The following RXFP1 variants were observed in gnomAD, a reference collection of about 807,000 sequenced individuals.
RXFP1 encodes relaxin receptor 1.
RXFP1 carries 73 observed loss-of-function variants against 89.8 expected under a neutral mutation model. The ratio of observed to expected loss-of-function variants is 0.81; its 90% CI spans 0.67 to 0.99. RXFP1 has a LOEUF of 0.99. RXFP1 is among the 50% of genes least tolerant of loss of function. The pLI, the probability that RXFP1 is intolerant of heterozygous loss-of-function variation, is 0.00. For synonymous variants in RXFP1, 277 were observed against 305.5 expected (o/e 0.91, Z 0.97); for missense variants, 793 against 895.5 (o/e 0.89, Z 1.46).
At chr4:158,640,071 G>C (rs544696694) in intron 14 of RXFP1, among the ~76,000 whole-genome samples, 40 of 152,226 alleles carry the variant, frequency 2.6e-4, no homozygotes, top group African/African-American at 9.1e-4. Flanking sequence ...TGGTATTTTT[G>C]TTACAGCAGC....
rs1256855911 is a variant in RXFP1, at chr4:158,608,051, C to A, written c.536+8C>A. 6.4e-7 allele frequency: 1 copy of A among 1,568,586 alleles called. No homozygotes were observed. Among genetic ancestry groups the A allele is most frequent in the South Asian group, 1.1e-5 (1 of 89,512 alleles). ...GAATAGCCTTACTAAACTGTAAGTA[C>A]CAGTGTGAATTAATTTGCCCATTCC... On this transcript the variant is annotated splice_region_variant and intron_variant, in intron 6 of 17. Transcript: ENST00000307765.
chr4:158,566,703 AT>A (rs1753629086), intron 1 of RXFP1, among the ~76,000 whole-genome samples: 1 of 152,228 alleles, frequency 6.6e-6, no homozygotes, highest in African/African-American at 2.4e-5. Context: ...AATATTTAAG[AT>A]TCCTGATATA....
intron 13 of RXFP1, among the ~76,000 whole-genome samples, chr4:158,638,625 T>C (rs960790515): frequency 3.9e-5 from 6 of 151,970 alleles, no homozygotes; most frequent in Non-Finnish European, 7.4e-5. Flanking sequence ...CTGGGCAACA[T>C]AGGGAGATGC....
chr4:158,585,016 A>C (rs1758023643), intron 2 of RXFP1, among the ~76,000 whole-genome samples: 1 of 152,208 alleles, frequency 6.6e-6, no homozygotes. Flanking sequence ...AATTCGGTGC[A>C]TCTGAAGTAA....
At chr4:158,651,718 A>C (rs757490153) in intron 17 of RXFP1, 39 bp from the exon 18 acceptor site, 2 of 1,501,944 alleles carry the variant, frequency 1.3e-6, no homozygotes, top group African/African-American at 2.8e-5. Context: ...CCTTGTAAAC[A>C]TCTATAAACA....
chr4:158,549,612 T>A (rs1749540781), intron 1 of RXFP1, among the ~76,000 whole-genome samples: 1 of 152,216 alleles, frequency 6.6e-6, no homozygotes, highest in Non-Finnish European at 1.5e-5. Flanking sequence ...ATGATGGTGA[T>A]GTACAGAGGG....
intron 3 of RXFP1, among the ~76,000 whole-genome samples, chr4:158,596,471 G>C (rs898881783): frequency 6.6e-6 from 1 of 151,910 alleles, no homozygotes; most frequent in Non-Finnish European, 1.5e-5. Flanking sequence ...CGTTGGTCAG[G>C]CTGGTCTTGA....
intron 2 of RXFP1, among the ~76,000 whole-genome samples, chr4:158,574,267 G>A (rs1324068696): frequency 1.3e-5 from 2 of 152,118 alleles, no homozygotes; most frequent in Non-Finnish European, 2.9e-5. Flanking sequence ...AATAATATAT[G>A]CTAATGAGGC....
intron 3 of RXFP1, among the ~76,000 whole-genome samples, chr4:158,594,382 T>C (rs575376624): frequency 1.2e-4 from 19 of 152,338 alleles, no homozygotes; most frequent in African/African-American, 4.3e-4. Context: ...TGTGTTATTT[T>C]CTGGGGTGGC....
chr4:158,581,952 G>A (rs934876439), intron 2 of RXFP1, among the ~76,000 whole-genome samples: 5 of 152,180 alleles, frequency 3.3e-5, no homozygotes, highest in Admixed American at 6.5e-5. Context: ...AGATTACATA[G>A]CGAGAGAGGA....
intron 11 of RXFP1, among the ~76,000 whole-genome samples, chr4:158,629,859 A>T (rs574909795): frequency 6.6e-6 from 1 of 151,900 alleles, no homozygotes; most frequent in Non-Finnish European, 1.5e-5. Flanking sequence ...TCCTGGCCTT[A>T]AGCAATCCTC....
intron 1 of RXFP1, among the ~76,000 whole-genome samples, chr4:158,562,397 G>A (rs1173383872): frequency 4.0e-5 from 6 of 148,844 alleles, no homozygotes; most frequent in East Asian, 3.9e-4. Context: ...AGTGGCGGGC[G>A]CCTGTAGTCC....
At chr4:158,551,776 C>CA (rs1464812039) in intron 1 of RXFP1, among the ~76,000 whole-genome samples, 1 of 152,046 alleles carries the variant, frequency 6.6e-6, no homozygotes, top group African/African-American at 2.4e-5. Flanking sequence ...CCTGTCTCTA[C>CA]AAAAAATATA....
intron 11 of RXFP1, among the ~76,000 whole-genome samples, chr4:158,629,878 G>A (rs974308885): frequency 1.3e-5 from 2 of 151,984 alleles, no homozygotes; most frequent in Non-Finnish European, 2.9e-5. Context: ...TCCCGCCTCA[G>A]CTTCCCATAC....
chr4:158,605,630 T>A (rs1002979741), intron 5 of RXFP1, among the ~76,000 whole-genome samples: 3 of 152,210 alleles, frequency 2.0e-5, no homozygotes, highest in Non-Finnish European at 4.4e-5. Flanking sequence ...CATTTTCACA[T>A]CTGCCTTGTG....
chr4:158,577,422 T>C (rs879278408), intron 2 of RXFP1, among the ~76,000 whole-genome samples: 27 of 152,218 alleles, frequency 1.8e-4, no homozygotes, highest in Non-Finnish European at 3.5e-4. Flanking sequence ...TTTCAGAATA[T>C]GTAAACCTCA....
Position 158,626,886 on chromosome 4 carries a change from T to G in RXFP1, c.822T>G (p.Thr274=), listed in dbSNP as rs113485126. The change falls in exon 10 of 18, where the codon ACT becomes ACG. Residue 274 remains threonine (T), a synonymous_variant. Coordinates refer to ENST00000307765, the MANE Select transcript of RXFP1 (RefSeq NM_021634.4). ...CTTTTATTTCCTGCAGTAATTTAACTGTTTTGTAAGTAATATGCTATGCTT... is the reference window on the plus strand; with the variant it reads ...CTTTTATTTCCTGCAGTAATTTAACGGTTTTGTAAGTAATATGCTATGCTT... ...NLTFISCSNL[T]VLVMRKNKIN... is the part of the protein sequence containing the mutation. 26 of 1,480,804 alleles carry G rather than the reference T, an allele frequency of 1.8e-5. No individual in the cohort carries two copies. The highest frequency in any genetic ancestry group is 1.5e-4 in the African/African-American group (11 of 71,056). 91.7% of individuals were successfully genotyped at this position (1,480,804 alleles called of 1,614,324 possible).
intron 9 of RXFP1, among the ~76,000 whole-genome samples, chr4:158,621,385 A>G (rs183425475): frequency 1.3e-5 from 2 of 152,334 alleles, no homozygotes; most frequent in Admixed American, 1.3e-4. Flanking sequence ...CACTAATAAA[A>G]AGCATGTAAT....
At chr4:158,603,610 G>A (rs1235378532) in intron 4 of RXFP1, among the ~76,000 whole-genome samples, 2 of 151,400 alleles carry the variant, frequency 1.3e-5, no homozygotes, top group African/African-American at 2.4e-5. Flanking sequence ...ACAGATATAC[G>A]GACAGGCGCA....
Sources: gnomAD v4.1 joint callset for allele counts (sites outside exome capture counted in the v4.1 genomes callset) on GRCh38, gnomAD v4.1.1 for gene constraint, MANE v1.5 for transcripts, NCBI Gene and HGNC (gene_info 2026-07-23, HGNC 2026-07-21) for gene names.